Variants in OXR1 observed in about 807,000 individuals in gnomAD.
The protein encoded by OXR1 is oxidation resistance protein 1.
In OXR1, 41 loss-of-function variants were observed where a neutral mutation model predicts 104.6. That is an observed-to-expected ratio of 0.39 (90% confidence interval 0.31 to 0.51). OXR1 has a LOEUF of 0.51. Among genes scored for constraint, OXR1 ranks in the 20% least tolerant of loss-of-function variants. The probability of loss-of-function intolerance (pLI) is 0.77; values close to 1 mark genes in which losing one functional copy is unlikely to be tolerated. For synonymous variants in OXR1, 348 were observed against 348.4 expected (o/e 1.00, Z 0.01); for missense variants, 955 against 1,031.9 (o/e 0.93, Z 1.02).
intron 12 of OXR1, among the ~76,000 whole-genome samples, chr8:106,738,913 G>A (rs1834646601): frequency 1.3e-5 from 2 of 151,936 alleles, no homozygotes; most frequent in South Asian, 4.2e-4. Context: ...TAAAAAAATG[G>A]TAACGTTTGT....
intron 3 of OXR1, among the ~76,000 whole-genome samples, chr8:106,595,550 CAAAAAAAA>C (rs67790797): frequency 3.3e-5 from 2 of 60,750 alleles, no homozygotes; most frequent in Non-Finnish European, 7.1e-5. Flanking sequence ...AACTCCGTCT[CAAAAAAAA>C]AAAAAAAAAA....
chr8:106,605,624 G>A (rs1422894635), intron 3 of OXR1, among the ~76,000 whole-genome samples: 8 of 131,466 alleles, frequency 6.1e-5, no homozygotes, highest in Middle Eastern at 3.8e-3. Flanking sequence ...GTGAAACCCC[G>A]TCTCTACTAA....
At chr8:106,694,117 A>G (rs1829585956) in intron 7 of OXR1, among the ~76,000 whole-genome samples, 1 of 151,934 alleles carries the variant, frequency 6.6e-6, no homozygotes, top group Non-Finnish European at 1.5e-5. Context: ...TGATCAGAGA[A>G]CACACTACTA....
chr8:106,563,300 A>G (rs867784972), intron 3 of OXR1, among the ~76,000 whole-genome samples: 10,551 of 58,938 alleles, frequency 0.18, 426 homozygotes, highest in African/African-American at 0.26. Flanking sequence ...GGAAAGCAAA[A>G]AAAAAAAAAA....
chr8:106,655,898 T>G (rs1354873492), intron 3 of OXR1, among the ~76,000 whole-genome samples: 1 of 152,200 alleles, frequency 6.6e-6, no homozygotes, highest in Admixed American at 6.5e-5. Flanking sequence ...GTTAACTACC[T>G]GTAAATCTGG....
chr8:106,660,942 GGCAA>G (rs1297191381), intron 3 of OXR1, among the ~76,000 whole-genome samples: 2 of 152,114 alleles, frequency 1.3e-5, no homozygotes, highest in Non-Finnish European at 2.9e-5. Flanking sequence ...AAACCCAGGA[GGCAA>G]GGTTGCAGTG....
intron 6 of OXR1, 148 bp downstream of exon 6, chr8:106,684,507 T>C (rs1475980818): frequency 3.5e-6 from 2 of 578,832 alleles, no homozygotes; most frequent in Admixed American, 3.1e-5. Flanking sequence ...ATCCCAGCTT[T>C]AAAAATAAGA....
intron 1 of OXR1, among the ~76,000 whole-genome samples, chr8:106,282,800 G>A (rs1812342938): frequency 6.6e-6 from 1 of 152,078 alleles, no homozygotes; most frequent in South Asian, 2.1e-4. Context: ...TTATAAATGG[G>A]CCCATACAGT....
intron 3 of OXR1, among the ~76,000 whole-genome samples, chr8:106,568,660 C>T (rs1442542607): frequency 6.6e-6 from 1 of 152,060 alleles, no homozygotes; most frequent in African/African-American, 2.4e-5. Context: ...ATCCAAATCA[C>T]GAGAAAGTGG....
intron 2 of OXR1, among the ~76,000 whole-genome samples, chr8:106,508,055 C>T (rs565968916): frequency 6.6e-6 from 1 of 152,296 alleles, no homozygotes; most frequent in East Asian, 1.9e-4. Context: ...CTCACCAGGA[C>T]ACTGCTTCTC....
At chr8:106,667,695 A>T (rs1826488698) in intron 3 of OXR1, among the ~76,000 whole-genome samples, 1 of 152,200 alleles carries the variant, frequency 6.6e-6, no homozygotes, top group South Asian at 2.1e-4. Flanking sequence ...TACGAAATTA[A>T]TTTTTAAAAT....
intron 2 of OXR1, among the ~76,000 whole-genome samples, chr8:106,490,144 C>T (rs571663601): frequency 9.8e-5 from 15 of 152,290 alleles, no homozygotes; most frequent in African/African-American, 3.1e-4. Context: ...CCATCTTCGC[C>T]ACCAGCCAGC....
chr8:106,736,917 T>C (rs1834427492), intron 11 of OXR1, among the ~76,000 whole-genome samples: 1 of 152,178 alleles, frequency 6.6e-6, no homozygotes, highest in Admixed American at 6.5e-5. Flanking sequence ...GAAGGTACTT[T>C]TGATTAGACA....
intron 3 of OXR1, among the ~76,000 whole-genome samples, chr8:106,537,394 A>C (rs1307472422): frequency 6.6e-6 from 1 of 152,166 alleles, no homozygotes; most frequent in Non-Finnish European, 1.5e-5. Context: ...TCCCAAGGCA[A>C]GTGCAAAATG....
In OXR1 at chr8:106,697,489, C is replaced by T. The variant is rs1189149233; in HGVS notation, c.675+4612C>T. The T allele has an allele frequency of 1.8e-5, 29 of 1,607,956 alleles. No individual in the cohort carries two copies. In the South Asian group the frequency reaches 2.0e-4, roughly 11 times the overall value. On this transcript the variant is annotated intron_variant, in intron 7 of 16. Coordinates refer to ENST00000517566, the MANE Select transcript of OXR1 (RefSeq NM_001198533.2). Reference sequence around the variant, plus strand: ...GCCTGAGATGCCCCCCATCTGTAGCCCGATCACGTTCTTGCCCTCTTGCAG... The same window carrying T: ...GCCTGAGATGCCCCCCATCTGTAGCTCGATCACGTTCTTGCCCTCTTGCAG...
intron 1 of OXR1, among the ~76,000 whole-genome samples, chr8:106,330,173 G>A (rs1503553): frequency 0.28 from 43,171 of 151,952 alleles, 7,044 homozygotes; most frequent in Admixed American, 0.35. Flanking sequence ...TCTCTCTTCC[G>A]TGCTTTTATA....
intron 3 of OXR1, among the ~76,000 whole-genome samples, chr8:106,553,275 C>T (rs929224639): frequency 5.3e-5 from 8 of 149,780 alleles, no homozygotes; most frequent in Non-Finnish European, 1.2e-4. Flanking sequence ...AAGTCTTGTA[C>T]TTTAAAAATC....
chr8:106,507,248 T>C (rs972791825), intron 2 of OXR1, among the ~76,000 whole-genome samples: 2 of 152,226 alleles, frequency 1.3e-5, no homozygotes, highest in Admixed American at 1.3e-4. Context: ...TGCTGAATAC[T>C]TTATCTGGAT....
chr8:106,560,853 C>A (rs567765770), intron 3 of OXR1, among the ~76,000 whole-genome samples: 1 of 152,126 alleles, frequency 6.6e-6, no homozygotes, highest in African/African-American at 2.4e-5. Flanking sequence ...GTGCAGCCCA[C>A]GGAGGATGAG....
Sources: gnomAD v4.1 joint callset for allele counts (sites outside exome capture counted in the v4.1 genomes callset) on GRCh38, gnomAD v4.1.1 for gene constraint, MANE v1.5 for transcripts, NCBI Gene and HGNC (gene_info 2026-07-23, HGNC 2026-07-21) for gene names.